The following PRKG1 variants were observed in gnomAD, a reference collection of about 807,000 sequenced individuals.
PRKG1 encodes cGMP-dependent protein kinase 1.
In PRKG1, 35 loss-of-function variants were observed where a neutral mutation model predicts 88.1. The ratio of observed to expected loss-of-function variants is 0.40; its 90% CI spans 0.30 to 0.53. The LOEUF is 0.53. PRKG1 is among the 20% of genes least tolerant of loss of function. The probability of loss-of-function intolerance (pLI) is 0.59; values close to 1 mark genes in which losing one functional copy is unlikely to be tolerated. For missense variants in PRKG1, 540 were observed against 839.8 expected (o/e 0.64, Z 4.41); for synonymous variants, 303 against 292.5 (o/e 1.04, Z -0.37).
intron 9 of PRKG1, among the ~76,000 whole-genome samples, chr10:52,238,501 G>T (rs1408973613): frequency 6.6e-6 from 1 of 152,016 alleles, no homozygotes; most frequent in African/African-American, 2.4e-5. Context: ...CCATCAAAAA[G>T]TGGGTGAAGG....
intron 2 of PRKG1, among the ~76,000 whole-genome samples, chr10:51,311,666 G>A (rs1184711260): frequency 1.3e-5 from 2 of 152,214 alleles, no homozygotes; most frequent in Non-Finnish European, 2.9e-5. Context: ...ATTGCAAAAT[G>A]TAGGTTCAAC....
chr10:51,596,182 A>T (rs1264183446), intron 3 of PRKG1, among the ~76,000 whole-genome samples: 1 of 152,172 alleles, frequency 6.6e-6, no homozygotes, highest in African/African-American at 2.4e-5. Context: ...TAAGATCTTC[A>T]AAAACCAGAA....
chr10:52,059,847 TA>T (rs1374256718), intron 6 of PRKG1, among the ~76,000 whole-genome samples: 1 of 151,934 alleles, frequency 6.6e-6, no homozygotes, highest in Non-Finnish European at 1.5e-5. Context: ...AACATGTAAC[TA>T]AAATACGTTT....
At chr10:51,187,095 A>T (rs1837512168) in intron 2 of PRKG1, among the ~76,000 whole-genome samples, 1 of 151,354 alleles carries the variant, frequency 6.6e-6, no homozygotes, top group Admixed American at 6.6e-5. Context: ...CAAACTACTT[A>T]ATATTGTTCT....
At chr10:51,283,511 A>G (rs141625530) in intron 2 of PRKG1, among the ~76,000 whole-genome samples, 26 of 152,264 alleles carry the variant, frequency 1.7e-4, no homozygotes, top group Middle Eastern at 3.4e-3. Context: ...CTTTTAATCA[A>G]TTTCACTGAG....
chr10:51,066,458 C>A (rs551304568), intron 1 of PRKG1, among the ~76,000 whole-genome samples: 2 of 152,012 alleles, frequency 1.3e-5, no homozygotes, highest in Non-Finnish European at 1.5e-5. Flanking sequence ...GTTTGTGGGA[C>A]GAGAACTGTG....
Position 51,239,890 on chromosome 10 carries a change from T to C in PRKG1, c.478+86560T>C, listed in dbSNP as rs531867944. Among the ~76,000 whole-genome samples, 3 of 152,280 alleles carry C rather than the reference T, an allele frequency of 2.0e-5. No individual in the cohort carries two copies. The East Asian group carries it at 5.8e-4, about 29-fold the overall frequency. ...ATAGTGCCCACCTTTATAGGGCCAA[T>C]ATGGGAGTAAATCTAATTATTTTTG... On this transcript the variant is annotated intron_variant, in intron 2 of 17. Coordinates refer to ENST00000373980, the MANE Select transcript of PRKG1 (RefSeq NM_006258.4).
chr10:51,249,325 A>C (rs900299630), intron 2 of PRKG1, among the ~76,000 whole-genome samples: 7 of 151,930 alleles, frequency 4.6e-5, no homozygotes, highest in African/African-American at 1.7e-4. Context: ...TCAACATTAG[A>C]AAATGCACTG....
In PRKG1 at chr10:51,054,362, TA is replaced by T. The variant is rs372848625; in HGVS notation, c.266+62721del. 2.6e-3 allele frequency among the ~76,000 whole-genome samples: 396 copies of T among 152,328 alleles called. 1 individual carries two copies. The highest frequency in any genetic ancestry group is 8.9e-3 in the African/African-American group (369 of 41,580). On this transcript the variant is annotated intron_variant, in intron 1 of 17. Transcript: ENST00000401604. ...GCTCCTTAAAATGATTTAATTTGTT[TA>T]AACTTTTTAAAAGTTCAACACTTAT...
At chr10:51,876,289 C>G (rs180905102) in intron 4 of PRKG1, among the ~76,000 whole-genome samples, 26 of 152,168 alleles carry the variant, frequency 1.7e-4, no homozygotes, top group South Asian at 1.0e-3. Flanking sequence ...CAAAGGGAAG[C>G]ATTTTAAATA....
chr10:51,059,375 ATTAT>A (rs1292896145), intron 1 of PRKG1, among the ~76,000 whole-genome samples: 2 of 152,080 alleles, frequency 1.3e-5, no homozygotes, highest in South Asian at 2.1e-4. Context: ...CTACATTTAA[ATTAT>A]TTATTTATTC....
chr10:51,158,791 G>T (rs1846283215), intron 2 of PRKG1, among the ~76,000 whole-genome samples: 1 of 151,940 alleles, frequency 6.6e-6, no homozygotes, highest in African/African-American at 2.4e-5. Flanking sequence ...CATTGATTTT[G>T]TTTTTCTCAC....
In PRKG1 at chr10:52,131,844, A is replaced by AAAAAAAAAAAC. The variant is rs764532999; in HGVS notation, c.936-1994_936-1993insAAAAAAAACAA. Among the ~76,000 whole-genome samples the AAAAAAAAAAAC allele has an allele frequency of 4.6e-4, 54 of 117,250 alleles. 7 individuals carry two copies. Among genetic ancestry groups the AAAAAAAAAAAC allele is most frequent in the Non-Finnish European group, 6.9e-4 (35 of 50,678 alleles). 76.9% of individuals were successfully genotyped at this position (117,250 alleles called of 152,430 possible). On this transcript the variant is annotated intron_variant, in intron 7 of 17. Coordinates refer to ENST00000373980, the MANE Select transcript of PRKG1 (RefSeq NM_006258.4). ...AAAAAAAAAAAAAAAAAAAAAAAAAAAAGAGGCCAGTTTGGCCAAAAGGCA... is the reference window on the plus strand; with the variant it reads ...AAAAAAAAAAAAAAAAAAAAAAAAAAAAAAAAAAAACAAGAGGCCAGTTTGGCCAAAAGGCA...
chr10:51,322,311 G>A (rs1007685197), intron 2 of PRKG1, among the ~76,000 whole-genome samples: 1 of 152,158 alleles, frequency 6.6e-6, no homozygotes, highest in East Asian at 1.9e-4. Context: ...TTGAGCAAAT[G>A]CAATCAGTCA....
chr10:51,464,883 T>C (rs1588984903), intron 2 of PRKG1, among the ~76,000 whole-genome samples: 2 of 94,510 alleles, frequency 2.1e-5, no homozygotes, highest in South Asian at 4.3e-4. Flanking sequence ...AGAGCGAGAC[T>C]CCGTCTCAAA....
At chr10:52,148,483 G>T (rs1347137531) in intron 8 of PRKG1, among the ~76,000 whole-genome samples, 1 of 151,368 alleles carries the variant, frequency 6.6e-6, no homozygotes, top group Non-Finnish European at 1.5e-5. Context: ...TCTTAAACAA[G>T]AAATATTTAA....
At chr10:51,926,537 A>T (rs978642371) in intron 5 of PRKG1, among the ~76,000 whole-genome samples, 1 of 152,108 alleles carries the variant, frequency 6.6e-6, no homozygotes, top group Non-Finnish European at 1.5e-5. Flanking sequence ...CAAAGCTGTC[A>T]TGGATGTGTG....
At chr10:51,346,985 T>G (rs1332412356) in intron 2 of PRKG1, among the ~76,000 whole-genome samples, 1 of 152,178 alleles carries the variant, frequency 6.6e-6, no homozygotes, top group Non-Finnish European at 1.5e-5. Context: ...AATCAGTAGC[T>G]TGATGATGTT....
chr10:51,330,686 A>C (rs1250286892), intron 2 of PRKG1, among the ~76,000 whole-genome samples: 2 of 146,196 alleles, frequency 1.4e-5, no homozygotes, highest in African/African-American at 5.1e-5. Context: ...CTTTTTTCAA[A>C]TCCTGTATTA....
Sources: allele counts gnomAD v4.1 joint callset (sites outside exome capture counted in the v4.1 genomes callset), GRCh38; gene constraint gnomAD v4.1.1; transcripts MANE v1.5; gene names NCBI Gene and HGNC (gene_info 2026-07-23, HGNC 2026-07-21).